Variants in GLRA3 observed in about 807,000 individuals in gnomAD.
GLRA3 encodes the protein glycine receptor alpha 3.
GLRA3 carries 44 observed loss-of-function variants against 60.4 expected under a neutral mutation model. That is an observed-to-expected ratio of 0.73 (90% CI 0.57 to 0.94). GLRA3 has a LOEUF of 0.94. Ranked by LOEUF, GLRA3 falls within the 40% of genes least tolerant of loss-of-function variation. The pLI is 0.00. For missense variants in GLRA3, 508 were observed against 564.6 expected (o/e 0.90, Z 1.02); for synonymous variants, 223 against 192.9 (o/e 1.16, Z -1.29).
intron 7 of GLRA3, among the ~76,000 whole-genome samples, chr4:174,670,567 G>A (rs552163636): frequency 6.6e-6 from 1 of 152,098 alleles, no homozygotes; most frequent in Admixed American, 6.6e-5. Context: ...AACTTAGTTT[G>A]ATGTCAAAGC....
rs190405691 is a variant in GLRA3, at chr4:174,650,615, C to T, written c.1116+6128G>A. Among the ~76,000 whole-genome samples the T allele has an allele frequency of 2.0e-3, 308 of 152,284 alleles. 1 individual carries two copies. The highest frequency in any genetic ancestry group is 7.2e-3 in the African/African-American group (298 of 41,562). On this transcript the variant is annotated intron_variant, in intron 9 of 9. Coordinates refer to ENST00000274093, the MANE Select transcript of GLRA3 (RefSeq NM_006529.4). ...TCAGTCCATATCTAGGCCTGAAATA[C>T]CTACCCCATCATGGGTGATGTCAAA...
intron 5 of GLRA3, among the ~76,000 whole-genome samples, chr4:174,702,508 C>A (rs1304154728): frequency 1.3e-5 from 2 of 151,908 alleles, no homozygotes; most frequent in Admixed American, 6.6e-5. Context: ...TTTAAAACAG[C>A]TGTGTTGGGA....
intron 5 of GLRA3, among the ~76,000 whole-genome samples, chr4:174,703,365 T>G (rs1448033457): frequency 6.6e-6 from 1 of 152,118 alleles, no homozygotes; most frequent in Non-Finnish European, 1.5e-5. Flanking sequence ...ATCAAAACAC[T>G]CCTAAAGTCC....
At chr4:174,743,453 G>A (rs1329291499) in intron 3 of GLRA3, among the ~76,000 whole-genome samples, 1 of 151,560 alleles carries the variant, frequency 6.6e-6, no homozygotes, top group Non-Finnish European at 1.5e-5. Context: ...AGATATACCA[G>A]CCAGTTATTT....
intron 2 of GLRA3, among the ~76,000 whole-genome samples, chr4:174,774,512 C>T (rs1349020312): frequency 1.3e-5 from 2 of 151,958 alleles, no homozygotes; most frequent in African/African-American, 4.8e-5. Context: ...CATGGTCCAC[C>T]ATCAAATAGA....
At chr4:174,746,463 G>C (rs1737251390) in intron 3 of GLRA3, among the ~76,000 whole-genome samples, 1 of 152,136 alleles carries the variant, frequency 6.6e-6, no homozygotes, top group African/African-American at 2.4e-5. Context: ...CACGGACATA[G>C]AGAATAGAAT....
Position 174,805,495 on chromosome 4 carries a change from C to A in GLRA3, c.72-16552G>T, listed in dbSNP as rs202185018. The stretch of plus-strand genomic sequence containing the variant: ...TTCTACCAGTAGGCTTCATTGACTT[C>A]CTGCCCATTTCACTGAGCCATCTTG... On this transcript the variant is annotated intron_variant, in intron 1 of 9. Transcript: ENST00000274093. Among the ~76,000 whole-genome samples the A allele has an allele frequency of 2.0e-5, 3 of 152,092 alleles. No individual in the cohort carries two copies. In the East Asian group the frequency reaches 5.8e-4, roughly 29 times the overall value.
intron 5 of GLRA3, among the ~76,000 whole-genome samples, chr4:174,701,043 A>G (rs902175855): frequency 1.3e-5 from 2 of 152,244 alleles, no homozygotes; most frequent in Non-Finnish European, 2.9e-5. Context: ...TGGACACATT[A>G]AACAACAGAT....
At chr4:174,780,081 C>A (rs1332196069) in intron 2 of GLRA3, among the ~76,000 whole-genome samples, 1 of 149,002 alleles carries the variant, frequency 6.7e-6, no homozygotes, top group Non-Finnish European at 1.5e-5. Flanking sequence ...GGGTTACCCT[C>A]AAAGGGAAGC....
chr4:174,690,036 T>A (rs760823917), intron 5 of GLRA3, among the ~76,000 whole-genome samples: 40 of 152,172 alleles, frequency 2.6e-4, no homozygotes, highest in Non-Finnish European at 2.9e-4. Context: ...TGAAACTATG[T>A]CTTTTGCATC....
At chr4:174,670,345 T>TTCA (rs1561044577) in intron 7 of GLRA3, among the ~76,000 whole-genome samples, 1 of 152,156 alleles carries the variant, frequency 6.6e-6, no homozygotes, top group Non-Finnish European at 1.5e-5. Context: ...CATTTAAAAC[T>TTCA]TCAAATAGGA....
chr4:174,824,401 G>T (rs753689016), intron 1 of GLRA3, among the ~76,000 whole-genome samples: 6 of 151,948 alleles, frequency 3.9e-5, no homozygotes, highest in Non-Finnish European at 8.8e-5. Context: ...GAACCGATAG[G>T]GATATTTTGA....
rs534420590 is a variant in GLRA3, at chr4:174,739,990, T to C, written c.268-11292A>G. 5.3e-5 allele frequency among the ~76,000 whole-genome samples: 8 copies of C among 152,296 alleles called. No homozygotes were observed. In the South Asian group the frequency reaches 1.0e-3, roughly 20 times the overall value. ...CTTATCCCTATTGCAGTTTTCCTAT[T>C]CTGTATCGCCTCTGTAGGCTGACTT... On this transcript the variant is annotated intron_variant, in intron 3 of 9. Coordinates refer to ENST00000274093, the MANE Select transcript of GLRA3 (RefSeq NM_006529.4).
At position 174,759,839 on chromosome 4, in the gene GLRA3, C is replaced by T. The variant is rs115345857; in HGVS notation, c.267+7124G>A. Among the ~76,000 whole-genome samples, 340 of 152,176 alleles carry T rather than the reference C, an allele frequency of 2.2e-3. 3 individuals carry two copies. The highest frequency in any genetic ancestry group is 7.4e-3 in the African/African-American group (309 of 41,544). On this transcript the variant is annotated intron_variant, in intron 3 of 9. Coordinates refer to ENST00000274093, the MANE Select transcript of GLRA3 (RefSeq NM_006529.4). The stretch of plus-strand genomic sequence containing the variant: ...ATGCCTACCTTACAAATTACATGTA[C>T]GTATACATATACAACTGTACAAAAC...
At chr4:174,794,359 C>T (rs966011097) in intron 1 of GLRA3, among the ~76,000 whole-genome samples, 24 of 152,106 alleles carry the variant, frequency 1.6e-4, no homozygotes, top group African/African-American at 5.1e-4. Context: ...TTAAGTGCCA[C>T]GTGATGCTTG....
At chr4:174,723,821 A>C (rs1393127257) in intron 4 of GLRA3, among the ~76,000 whole-genome samples, 3 of 152,000 alleles carry the variant, frequency 2.0e-5, no homozygotes, top group African/African-American at 7.2e-5. Context: ...TCATGTTAAG[A>C]GACTTTATAA....
intron 1 of GLRA3, among the ~76,000 whole-genome samples, chr4:174,790,309 A>G (rs1209814838): frequency 6.6e-6 from 1 of 152,034 alleles, no homozygotes; most frequent in Non-Finnish European, 1.5e-5. Flanking sequence ...TCTGATTATT[A>G]TTGCTCAACC....
chr4:174,782,927 C>G (rs1738950473), intron 2 of GLRA3, among the ~76,000 whole-genome samples: 1 of 152,140 alleles, frequency 6.6e-6, no homozygotes. Flanking sequence ...CCATCCCCAT[C>G]AAGCTACCAA....
At chr4:174,657,322 G>A (rs543531845) in intron 8 of GLRA3, among the ~76,000 whole-genome samples, 1 of 152,216 alleles carries the variant, frequency 6.6e-6, no homozygotes, top group Non-Finnish European at 1.5e-5. Context: ...ATATGTCTGA[G>A]CTTTCACAGT....
Sources: allele counts gnomAD v4.1 joint callset (sites outside exome capture counted in the v4.1 genomes callset), GRCh38; gene constraint gnomAD v4.1.1; transcripts MANE v1.5; gene names NCBI Gene and HGNC (gene_info 2026-07-23, HGNC 2026-07-21).